ADAMTSL1: variants seen among roughly 807,000 people sequenced by gnomAD.
ADAMTSL1 encodes ADAMTS like 1, also known as ADAMTS-like protein 1.
Under a neutral mutation model 201.8 loss-of-function variants are expected in ADAMTSL1, and 126 were observed. The ratio of observed to expected loss-of-function variants is 0.62; its 90% confidence interval spans 0.54 to 0.72. The LOEUF (loss-of-function observed/expected upper bound fraction) is 0.72, where lower values mean the gene tolerates loss of function less well. Among genes scored for constraint, ADAMTSL1 ranks in the 30% least tolerant of loss-of-function variants. ADAMTSL1 has a pLI of 0.00. For missense variants in ADAMTSL1, 2,679 were observed against 2,277.8 expected, an observed-to-expected ratio of 1.18 and a Z score of -3.59; for synonymous variants, 1,121 against 903.4, an observed-to-expected ratio of 1.24 and a Z score of -4.32.
chr9:18,600,434 C>T (rs530916414), intron 4 of ADAMTSL1, among the ~76,000 whole-genome samples: 7 of 152,196 alleles, frequency 4.6e-5, no homozygotes, highest in Middle Eastern at 3.4e-3. Context: ...GACCCTATAG[C>T]CTGTGCTTTT....
At chr9:17,961,344 G>A (rs1817747744) in intron 1 of ADAMTSL1, among the ~76,000 whole-genome samples, 1 of 152,166 alleles carries the variant, frequency 6.6e-6, no homozygotes, top group East Asian at 1.9e-4. Flanking sequence ...CACCTCCCGG[G>A]TTCAAGTGAT....
At chr9:18,712,873 G>T (rs1252885666) in intron 14 of ADAMTSL1, among the ~76,000 whole-genome samples, 1 of 148,290 alleles carries the variant, frequency 6.7e-6, no homozygotes, top group African/African-American at 2.5e-5. Flanking sequence ...CCCTCAAAGG[G>T]AAGCCCATCA....
intron 2 of ADAMTSL1, among the ~76,000 whole-genome samples, chr9:18,322,342 C>A (rs1384392378): frequency 6.6e-6 from 1 of 152,010 alleles, no homozygotes; most frequent in Admixed American, 6.6e-5. Context: ...TTTGTTAAAC[C>A]ATTAGCAGTA....
intron 2 of ADAMTSL1, among the ~76,000 whole-genome samples, chr9:18,376,240 C>A (rs1452572617): frequency 6.6e-6 from 1 of 152,108 alleles, no homozygotes; most frequent in Non-Finnish European, 1.5e-5. Context: ...TATAAACATT[C>A]ACTCATTCAA....
intron 1 of ADAMTSL1, among the ~76,000 whole-genome samples, chr9:18,486,263 T>C (rs1382080648): frequency 6.6e-6 from 1 of 152,246 alleles, no homozygotes; most frequent in African/African-American, 2.4e-5. Context: ...AACCAATGTA[T>C]CTGTATCCTA....
chr9:17,966,482 C>T lies in ADAMTSL1; in HGVS notation c.87+59560C>T, dbSNP rs118117817. Among the ~76,000 whole-genome samples, 3 of 152,270 alleles carry T rather than the reference C, an allele frequency of 2.0e-5. No individual in the cohort carries two copies. In the East Asian group the frequency reaches 5.8e-4, roughly 29 times the overall value. On this transcript the variant is annotated intron_variant, in intron 1 of 29. Transcript: ENST00000680146. ...AGACCCTCCCTTCTGCAATAAGTAC[C>T]ACCATTCTGCCCTTTATAGTAACTT...
chr9:18,890,840 A>C, intron 25 of ADAMTSL1: 1 of 316,462 alleles, frequency 3.2e-6, no homozygotes, highest in Non-Finnish European at 6.2e-6. Context: ...GCCCTTGCCA[A>C]GCTGTGCAAA....
chr9:18,814,362 C>T (rs1327134517), intron 20 of ADAMTSL1, among the ~76,000 whole-genome samples: 2 of 151,994 alleles, frequency 1.3e-5, no homozygotes, highest in African/African-American at 2.4e-5. Context: ...TTATTGTGTC[C>T]TTGTTGGTTA....
chr9:18,699,299 T>C (rs1358887655), intron 13 of ADAMTSL1, among the ~76,000 whole-genome samples: 1 of 151,406 alleles, frequency 6.6e-6, no homozygotes, highest in African/African-American at 2.4e-5. Context: ...AGCTTTTCCA[T>C]GTGTTTTGCT....
intron 2 of ADAMTSL1, among the ~76,000 whole-genome samples, chr9:18,530,944 A>G (rs752651851): frequency 3.3e-5 from 5 of 152,160 alleles, no homozygotes; most frequent in Non-Finnish European, 7.4e-5. Flanking sequence ...TGCAAACACC[A>G]GTGTCTAGAT....
intron 1 of ADAMTSL1, among the ~76,000 whole-genome samples, chr9:18,000,368 T>C (rs2798921): frequency 1 from 151,880 of 151,998 alleles, 75,881 homozygotes; most frequent in Non-Finnish European, 1. Flanking sequence ...ACATAATTAT[T>C]TTCTTCTCTA....
chr9:18,830,264 C>G (rs1824892217), intron 23 of ADAMTSL1, among the ~76,000 whole-genome samples: 1 of 152,142 alleles, frequency 6.6e-6, no homozygotes, highest in African/African-American at 2.4e-5. Context: ...ATCAGATTGA[C>G]TCTTGAAACT....
Position 18,817,141 on chromosome 9 carries a change from G to A in ADAMTSL1, c.3838G>A (p.Val1280Met). 2 of 1,605,110 alleles carry A rather than the reference G, an allele frequency of 1.2e-6. No homozygotes were observed. The highest frequency in any genetic ancestry group is 1.1e-5 in the South Asian group (1 of 88,838). ...KPLVKTSRMT[V>M]INTEKPAVTV... ...ACTAGTGAAAACGTCACGAATGACA[G>A]TGATCAACACGGAGAAGCCTGCAGT... is the stretch of plus-strand genomic sequence containing the variant. The change falls in exon 21 of 29, where the codon GTG (valine) becomes ATG (methionine). Residue 1280 changes from valine (V) to methionine (M), a missense_variant. Physicochemically the swap from Val to Met is conservative, Grantham distance 21. Coordinates refer to ENST00000380548, the MANE Select transcript of ADAMTSL1 (RefSeq NM_001040272.6).
intron 20 of ADAMTSL1, among the ~76,000 whole-genome samples, chr9:18,812,873 T>C (rs374338146): frequency 2.0e-4 from 30 of 152,164 alleles, no homozygotes; most frequent in African/African-American, 6.3e-4. Context: ...CATGGGTTTA[T>C]GTGTCTATTT....
At chr9:17,989,379 A>G (rs1463323454) in intron 1 of ADAMTSL1, among the ~76,000 whole-genome samples, 1 of 152,002 alleles carries the variant, frequency 6.6e-6, no homozygotes, top group Non-Finnish European at 1.5e-5. Flanking sequence ...AAAATCATTT[A>G]TACTGACTGT....
chr9:18,576,375 G>C (rs1341530632), intron 4 of ADAMTSL1, among the ~76,000 whole-genome samples: 1 of 152,142 alleles, frequency 6.6e-6, no homozygotes, highest in Non-Finnish European at 1.5e-5. Flanking sequence ...GGCTTGAACG[G>C]CAGACAGGAC....
chr9:18,180,669 A>T lies in ADAMTSL1; in HGVS notation c.207+16688A>T, dbSNP rs571763088. On this transcript the variant is annotated intron_variant, in intron 2 of 29. Transcript: ENST00000680146. ...ACAAATGGAAGAACATTCCATGCTCATGGGTAGGAAGAATCAATATCATGA... is the reference window on the plus strand; with the variant it reads ...ACAAATGGAAGAACATTCCATGCTCTTGGGTAGGAAGAATCAATATCATGA... 4.6e-5 allele frequency among the ~76,000 whole-genome samples: 7 copies of T among 152,330 alleles called. No homozygotes were observed. The East Asian group carries it at 1.3e-3, about 29-fold the overall frequency.
At chr9:18,550,190 C>G (rs1820714683) in intron 3 of ADAMTSL1, among the ~76,000 whole-genome samples, 1 of 151,958 alleles carries the variant, frequency 6.6e-6, no homozygotes, top group Non-Finnish European at 1.5e-5. Flanking sequence ...CCAAAGATAT[C>G]TATGTCCTGA....
At chr9:18,822,957 T>G (rs945257807) in intron 21 of ADAMTSL1, among the ~76,000 whole-genome samples, 1 of 152,134 alleles carries the variant, frequency 6.6e-6, no homozygotes, top group Non-Finnish European at 1.5e-5. Flanking sequence ...TGTCATCTCC[T>G]GAGAGAAAAA....
Sources: gnomAD v4.1 joint callset for allele counts (sites outside exome capture counted in the v4.1 genomes callset) on GRCh38, gnomAD v4.1.1 for gene constraint, MANE v1.5 for transcripts, NCBI Gene and HGNC (gene_info 2026-07-23, HGNC 2026-07-21) for gene names.